ZDHHC20: variants seen among roughly 807,000 people sequenced by gnomAD.
ZDHHC20 encodes zDHHC palmitoyltransferase 20.
A neutral mutation model predicts 57.8 loss-of-function variants in ZDHHC20; 43 were observed. The ratio of observed to expected loss-of-function variants is 0.74; its 90% CI spans 0.58 to 0.96. The LOEUF (loss-of-function observed/expected upper bound fraction) is 0.96. Among genes scored for constraint, ZDHHC20 ranks in the 40% least tolerant of loss-of-function variants. ZDHHC20 has a pLI of 0.00. For missense variants in ZDHHC20, 391 were observed against 441.1 expected, an observed-to-expected ratio of 0.89 and a Z score of 1.02; for synonymous variants, 157 against 153.0, an observed-to-expected ratio of 1.03 and a Z score of -0.19.
At chr13:21,406,170 T>C (rs1346752079) in intron 4 of ZDHHC20, among the ~76,000 whole-genome samples, 3 of 152,198 alleles carry the variant, frequency 2.0e-5, no homozygotes, top group African/African-American at 7.2e-5. Context: ...ACTCCTGGCT[T>C]CCCTTGGCTA....
At position 21,402,871 on chromosome 13, in the gene ZDHHC20, A is replaced by G. The variant is rs1349503778; in HGVS notation, c.371-5T>C. On this transcript the variant is annotated splice_polypyrimidine_tract_variant and splice_region_variant and intron_variant, in intron 4 of 12. Coordinates refer to ENST00000400590, the MANE Select transcript of ZDHHC20 (RefSeq NM_001330059.2). The stretch of plus-strand genomic sequence containing the variant: ...ATTTTTCACAATATCTGATAGCTAC[A>G]TGAAAGAAGTAAAAGGAAGATGCTG... 6.3e-7 allele frequency: 1 copy of G among 1,584,094 alleles called. No individual in the cohort carries two copies. The highest frequency in any genetic ancestry group is 8.6e-7 in the Non-Finnish European group (1 of 1,163,696).
intron 4 of ZDHHC20, among the ~76,000 whole-genome samples, chr13:21,406,698 T>C (rs564252462): frequency 2.1e-4 from 32 of 152,324 alleles, no homozygotes; most frequent in Non-Finnish European, 3.1e-4. Flanking sequence ...TCCATGTCCC[T>C]GCAAAGGACA....
At chr13:21,405,698 C>T (rs907070484) in intron 4 of ZDHHC20, among the ~76,000 whole-genome samples, 18 of 152,178 alleles carry the variant, frequency 1.2e-4, no homozygotes, top group African/African-American at 4.1e-4. Context: ...AGAAGGAAAT[C>T]TGTACACCCT....
intron 4 of ZDHHC20, among the ~76,000 whole-genome samples, chr13:21,410,014 G>A (rs1037682987): frequency 2.6e-5 from 4 of 152,172 alleles, no homozygotes; most frequent in South Asian, 4.1e-4. Flanking sequence ...CCTCATCTTC[G>A]TGGATTTATC....
rs1368064548 is a variant in ZDHHC20 at position 21,375,077 on chromosome 13, C to T, written c.*1619G>A. On this transcript the variant is annotated 3_prime_UTR_variant, in exon 13 of 13. Transcript: ENST00000400590. ...TGAACCTGGAAGGCAGAGGTTGCAG[C>T]GAGCCAAGATCCCGCCACTGCACTC... 2.9e-5 allele frequency: 13 copies of T among 451,950 alleles called. No homozygotes were observed. The highest frequency in any genetic ancestry group is 7.1e-5 in the Admixed American group (3 of 42,316). 28.0% of individuals were successfully genotyped at this position (451,950 alleles called of 1,614,324 possible). A position where few individuals can be genotyped will look rare whatever the true frequency, so the allele number is the denominator to read the frequency against.
chr13:21,456,128 G>A lies in ZDHHC20; in HGVS notation c.118+2926C>T, dbSNP rs114418185. 4.4e-3 allele frequency among the ~76,000 whole-genome samples: 674 copies of A among 152,216 alleles called. 2 individuals carry two copies. Among genetic ancestry groups the A allele is most frequent in the African/African-American group, 0.015 (633 of 41,518 alleles). ...AGAATCTAAGAATATCCTATAGGCC[G>A]GGCACAATGCCTCATGCCTGTAATC... On this transcript the variant is annotated intron_variant, in intron 1 of 12. Transcript: ENST00000400590.
chr13:21,436,644 A>C (rs9506678), intron 1 of ZDHHC20, among the ~76,000 whole-genome samples: 13,520 of 152,196 alleles, frequency 0.089, 653 homozygotes, highest in Non-Finnish European at 0.1. Flanking sequence ...ACATTCCTCT[A>C]TCTCTCTCCG....
At chr13:21,458,303 G>A (rs781097608) in intron 1 of ZDHHC20, among the ~76,000 whole-genome samples, 8 of 152,174 alleles carry the variant, frequency 5.3e-5, no homozygotes, top group Non-Finnish European at 1.0e-4. Flanking sequence ...TCAGGAAAAT[G>A]GAAGTAACGA....
chr13:21,416,558 C>G (rs1880001372), intron 3 of ZDHHC20, among the ~76,000 whole-genome samples: 1 of 152,010 alleles, frequency 6.6e-6, no homozygotes, highest in Non-Finnish European at 1.5e-5. Flanking sequence ...GTAAGAGAGC[C>G]ATATAAACAA....
At chr13:21,454,316 A>G (rs1041891546) in intron 1 of ZDHHC20, among the ~76,000 whole-genome samples, 6 of 151,948 alleles carry the variant, frequency 3.9e-5, no homozygotes, top group African/African-American at 1.5e-4. Context: ...ACAAAATGAG[A>G]CTCCATCTCA....
intron 11 of ZDHHC20, 83 bp downstream of exon 11, chr13:21,381,351 T>G: frequency 9.2e-7 from 1 of 1,088,078 alleles, no homozygotes; most frequent in Non-Finnish European, 1.3e-6. Flanking sequence ...AAATGTTACA[T>G]TATTTTGATT....
intron 7 of ZDHHC20, among the ~76,000 whole-genome samples, chr13:21,392,661 G>A (rs1593193392): frequency 6.6e-6 from 1 of 152,236 alleles, no homozygotes; most frequent in East Asian, 1.9e-4. Context: ...ATAGAAGGAG[G>A]CAGCCTTTAA....
intron 1 of ZDHHC20, among the ~76,000 whole-genome samples, chr13:21,454,626 A>T (rs998105796): frequency 6.6e-6 from 1 of 152,248 alleles, no homozygotes; most frequent in African/African-American, 2.4e-5. Flanking sequence ...TAAAGATCAG[A>T]CAGGAAAACA....
intron 1 of ZDHHC20, among the ~76,000 whole-genome samples, chr13:21,427,947 A>G (rs969607666): frequency 1.5e-4 from 22 of 149,702 alleles, no homozygotes; most frequent in African/African-American, 5.4e-4. Flanking sequence ...TTCCTACAAC[A>G]CTTTATACTT....
At chr13:21,436,321 A>C (rs1351582901) in intron 1 of ZDHHC20, among the ~76,000 whole-genome samples, 1 of 152,196 alleles carries the variant, frequency 6.6e-6, no homozygotes, top group Non-Finnish European at 1.5e-5. Flanking sequence ...GGCACATCTC[A>C]TAAGGTGCTT....
intron 1 of ZDHHC20, among the ~76,000 whole-genome samples, chr13:21,433,631 C>T (rs963108256): frequency 6.6e-5 from 6 of 91,012 alleles, no homozygotes; most frequent in Admixed American, 4.5e-4. Context: ...GGGTGGGAGG[C>T]GGGAATTCAC....
At chr13:21,441,529 G>A (rs1883159471) in intron 1 of ZDHHC20, among the ~76,000 whole-genome samples, 1 of 147,992 alleles carries the variant, frequency 6.8e-6, no homozygotes, top group Non-Finnish European at 1.5e-5. Context: ...GGGACTACAG[G>A]CGCCCGCCAC....
At chr13:21,404,161 C>T (rs1270948898) in intron 4 of ZDHHC20, among the ~76,000 whole-genome samples, 2 of 152,178 alleles carry the variant, frequency 1.3e-5, no homozygotes, top group African/African-American at 4.8e-5. Context: ...CAGTGAAACA[C>T]TATGCGGAGT....
Position 21,373,101 on chromosome 13 carries a change from G to A in ZDHHC20, c.*3595C>T, listed in dbSNP as rs538570644. On this transcript the variant is annotated 3_prime_UTR_variant, in exon 13 of 13. Coordinates refer to ENST00000400590, the MANE Select transcript of ZDHHC20 (RefSeq NM_001330059.2). ...CTGTTTCTAACAGATTATTACAGGC[G>A]GTCTTTATTTTGGCTGAAATGCAAA... is the stretch of plus-strand genomic sequence containing the variant. 7.9e-5 allele frequency: 12 copies of A among 152,076 alleles called. No individual in the cohort carries two copies. The highest frequency in any genetic ancestry group is 2.4e-4 in the African/African-American group (10 of 41,508). The allele number at this position is 152,076 out of a possible 1,614,324, so 9.4% of individuals were successfully genotyped here. A position where few individuals can be genotyped will look rare whatever the true frequency, so the allele number is the denominator to read the frequency against.
Sources: gnomAD v4.1 joint callset for allele counts (sites outside exome capture counted in the v4.1 genomes callset) on GRCh38, gnomAD v4.1.1 for gene constraint, MANE v1.5 for transcripts, NCBI Gene and HGNC (gene_info 2026-07-23, HGNC 2026-07-21) for gene names.